Variants in SYT1 observed in about 807,000 individuals in gnomAD.
SYT1 encodes the protein synaptotagmin 1.
A neutral mutation model predicts 44.8 loss-of-function variants in SYT1; 8 were observed. That is an observed-to-expected ratio of 0.18 (90% CI 0.10 to 0.32). The LOEUF (loss-of-function observed/expected upper bound fraction) is 0.32. Ranked by LOEUF, SYT1 falls within the 10% of genes least tolerant of loss-of-function variation. The pLI is 1.00. For synonymous variants in SYT1, 154 were observed against 188.8 expected (o/e 0.82, Z 1.51); for missense variants, 286 against 509.3 (o/e 0.56, Z 4.22).
At chr12:79,269,515 GT>G (rs146602592) in intron 4 of SYT1, among the ~76,000 whole-genome samples, 1,666 of 152,274 alleles carry the variant, frequency 0.011, 29 homozygotes, top group African/African-American at 0.036. Flanking sequence ...CAGATTGTCA[GT>G]AGGAAAGAAA....
At chr12:79,228,412 G>C (rs915699204) in intron 4 of SYT1, among the ~76,000 whole-genome samples, 8 of 152,018 alleles carry the variant, frequency 5.3e-5, no homozygotes, top group Non-Finnish European at 7.4e-5. Context: ...CAATTACGAG[G>C]GTTATTACAA....
chr12:79,012,595 G>A (rs1227059790), intron 2 of SYT1, among the ~76,000 whole-genome samples: 1 of 152,134 alleles, frequency 6.6e-6, no homozygotes, highest in Non-Finnish European at 1.5e-5. Context: ...GTGCTTCTGG[G>A]ATCTATGTGG....
rs147907596 is a variant in SYT1, at chr12:79,147,230, TGTC to T, written c.-17-70272_-17-70270del. On this transcript the variant is annotated intron_variant, in intron 3 of 10. Coordinates refer to ENST00000261205, the MANE Select transcript of SYT1 (RefSeq NM_005639.3). Reference sequence around the variant, plus strand: ...TTGTAATCATTACCAAAAATTAAGCTGTCTACTCTTCATATTTGCTCTCTTCCT... The same window carrying T: ...TTGTAATCATTACCAAAAATTAAGCTTACTCTTCATATTTGCTCTCTTCCT... Among the ~76,000 whole-genome samples the T allele has an allele frequency of 5.7e-3, 864 of 152,354 alleles. 10 individuals carry two copies. Among genetic ancestry groups the T allele is most frequent in the African/African-American group, 0.019 (801 of 41,582 alleles).
chr12:79,039,123 G>T (rs1318912957), intron 2 of SYT1, among the ~76,000 whole-genome samples: 1 of 151,828 alleles, frequency 6.6e-6, no homozygotes, highest in Non-Finnish European at 1.5e-5. Flanking sequence ...AGGTCTACAG[G>T]GTGTGAGCAG....
At chr12:79,271,693 A>C (rs1355920092) in intron 4 of SYT1, among the ~76,000 whole-genome samples, 1 of 152,190 alleles carries the variant, frequency 6.6e-6, no homozygotes, top group Non-Finnish European at 1.5e-5. Context: ...TCATGAAAAA[A>C]CAGGCTTTCT....
At chr12:79,252,436 C>T (rs1051071527) in intron 4 of SYT1, among the ~76,000 whole-genome samples, 2 of 152,094 alleles carry the variant, frequency 1.3e-5, no homozygotes, top group African/African-American at 2.4e-5. Flanking sequence ...TTTCTGACTG[C>T]GCCTGCTTAG....
In SYT1 at chr12:78,877,794, A is replaced by T. The variant is rs144796637; in HGVS notation, c.-217+12685A>T. On this transcript the variant is annotated intron_variant, in intron 1 of 10. Transcript: ENST00000261205. ...CAGGTGCATACCACCACGCCTGGCT[A>T]ATTTTTGTATTTTTTGTAGAGACAG... Among the ~76,000 whole-genome samples the T allele has an allele frequency of 5.1e-3, 778 of 151,670 alleles. 11 individuals carry two copies. Among genetic ancestry groups the T allele is most frequent in the African/African-American group, 0.017 (719 of 41,410 alleles).
At chr12:79,069,582 A>G (rs1258882330) in intron 3 of SYT1, among the ~76,000 whole-genome samples, 1 of 151,874 alleles carries the variant, frequency 6.6e-6, no homozygotes. Flanking sequence ...TTTTAAAAAT[A>G]TAAAAAGGAA....
intron 1 of SYT1, among the ~76,000 whole-genome samples, chr12:78,930,743 C>T (rs890338526): frequency 6.6e-6 from 1 of 151,834 alleles, no homozygotes; most frequent in African/African-American, 2.4e-5. Flanking sequence ...TGTAATGCAG[C>T]TCTTCATGGC....
At chr12:79,085,050 A>T (rs892648797) in intron 3 of SYT1, among the ~76,000 whole-genome samples, 38 of 152,150 alleles carry the variant, frequency 2.5e-4, no homozygotes, top group African/African-American at 8.7e-4. Flanking sequence ...AATATTTTTT[A>T]AAATTTTTGT....
chr12:79,311,334 G>A (rs1161203503), intron 8 of SYT1, among the ~76,000 whole-genome samples: 1 of 151,904 alleles, frequency 6.6e-6, no homozygotes, highest in Non-Finnish European at 1.5e-5. Context: ...TCTCACACCA[G>A]TTAGAATGGC....
chr12:79,407,819 A>T (rs1288708432), intron 9 of SYT1, among the ~76,000 whole-genome samples: 1 of 152,008 alleles, frequency 6.6e-6, no homozygotes, highest in African/African-American at 2.4e-5. Context: ...GGCTGTCCTT[A>T]CTCTGGTATA....
chr12:79,105,901 AG>A (rs1226073899), intron 3 of SYT1, among the ~76,000 whole-genome samples: 12 of 140,644 alleles, frequency 8.5e-5, no homozygotes, highest in Admixed American at 1.4e-4. Context: ...AAAAAAAAAA[AG>A]GCAATTTAAT....
At chr12:78,882,570 A>C (rs1874516715) in intron 1 of SYT1, among the ~76,000 whole-genome samples, 1 of 151,860 alleles carries the variant, frequency 6.6e-6, no homozygotes, top group African/African-American at 2.4e-5. Context: ...AACTGCCAAG[A>C]ATTGGCAAAC....
chr12:78,925,514 T>C (rs1877252788), intron 1 of SYT1, among the ~76,000 whole-genome samples: 1 of 151,942 alleles, frequency 6.6e-6, no homozygotes, highest in South Asian at 2.1e-4. Context: ...AGGAGTTTTT[T>C]CCTCCCATGC....
chr12:79,294,409 G>T (rs1004549237), intron 6 of SYT1, among the ~76,000 whole-genome samples: 1 of 152,030 alleles, frequency 6.6e-6, no homozygotes, highest in Admixed American at 6.6e-5. Flanking sequence ...GGAAGTTAAA[G>T]TCTGAAAAAC....
chr12:79,331,687 C>A lies in SYT1; in HGVS notation c.811-21815C>A, dbSNP rs535368373. ...ATGAAGCAGATTTCCTGGACATCTA[C>A]AAACTTCTTTAAATTACAGTGTTAG... On this transcript the variant is annotated intron_variant, in intron 8 of 10. Coordinates refer to ENST00000261205, the MANE Select transcript of SYT1 (RefSeq NM_005639.3). 7.9e-5 allele frequency among the ~76,000 whole-genome samples: 12 copies of A among 152,176 alleles called. No individual in the cohort carries two copies. In the East Asian group the frequency reaches 1.5e-3, roughly 20 times the overall value.
At chr12:79,392,042 C>A (rs1884677513) in intron 9 of SYT1, among the ~76,000 whole-genome samples, 1 of 152,168 alleles carries the variant, frequency 6.6e-6, no homozygotes, top group East Asian at 1.9e-4. Context: ...AAATAGTGTT[C>A]TTTGAAGAAT....
At chr12:79,100,347 G>T (rs1367206169) in intron 3 of SYT1, among the ~76,000 whole-genome samples, 1 of 152,040 alleles carries the variant, frequency 6.6e-6, no homozygotes, top group Non-Finnish European at 1.5e-5. Context: ...TTAACCACCA[G>T]GTCATACTAT....
Sources: gnomAD v4.1 joint callset for allele counts (sites outside exome capture counted in the v4.1 genomes callset) on GRCh38, gnomAD v4.1.1 for gene constraint, MANE v1.5 for transcripts, NCBI Gene and HGNC (gene_info 2026-07-23, HGNC 2026-07-21) for gene names.